The following VDR variants were observed in gnomAD, a reference collection of about 807,000 sequenced individuals.
The protein encoded by VDR is vitamin D receptor.
VDR carries 19 observed loss-of-function variants against 39.7 expected under a neutral mutation model. The ratio of observed to expected loss-of-function variants is 0.48; its 90% CI spans 0.33 to 0.70. The LOEUF is 0.70. Ranked by LOEUF, VDR falls within the 30% of genes least tolerant of loss-of-function variation. The pLI, the probability that VDR is intolerant of heterozygous loss-of-function variation, is 0.02. For synonymous variants in VDR, 242 were observed against 215.8 expected, an observed-to-expected ratio of 1.12 and a Z score of -1.07; for missense variants, 442 against 570.5, an observed-to-expected ratio of 0.77 and a Z score of 2.29.
At chr12:47,850,985 G>A (rs1272872966) in intron 7 of VDR, among the ~76,000 whole-genome samples, 1 of 152,078 alleles carries the variant, frequency 6.6e-6, no homozygotes, top group Non-Finnish European at 1.5e-5. Context: ...TGGATGCCAG[G>A]GACTGTCTTC....
intron 1 of VDR, among the ~76,000 whole-genome samples, chr12:47,889,826 C>T (rs925703373): frequency 1.3e-5 from 2 of 152,114 alleles, no homozygotes; most frequent in African/African-American, 4.8e-5. Context: ...AAAACAAAAA[C>T]AAAAAAGCAG....
rs569745169 is a variant in VDR at position 47,878,924 on chromosome 12, T to G, written c.146+44A>C. The G allele has an allele frequency of 2.2e-5, 36 of 1,613,946 alleles. No homozygotes were observed. The South Asian group carries it at 4.0e-4, about 18-fold the overall frequency. ...CCCTTCATGGAAACACCTTGCTTCTTCTCCCTCCCTTTCCACTGGGGAGAG... is the reference window on the plus strand; with the variant it reads ...CCCTTCATGGAAACACCTTGCTTCTGCTCCCTCCCTTTCCACTGGGGAGAG... On this transcript the variant is annotated intron_variant, in intron 3 of 9. Transcript: ENST00000549336.
Position 47,877,210 on chromosome 12 carries a change from G to A in VDR, c.146+1758C>T, listed in dbSNP as rs935473764. Among the ~76,000 whole-genome samples, 16 of 151,906 alleles carry A rather than the reference G, an allele frequency of 1.1e-4. No homozygotes were observed. The East Asian group carries it at 1.2e-3, about 11-fold the overall frequency. On this transcript the variant is annotated intron_variant, in intron 3 of 9. Coordinates refer to ENST00000549336, the MANE Select transcript of VDR (RefSeq NM_000376.3). ...AGACCAGCCTGGGCAACATAAGGAG[G>A]CCCCATCACTACAAAAAAATCACAC...
intron 2 of VDR, 67 bp from the exon 3 acceptor site, chr12:47,879,182 G>T: frequency 2.5e-6 from 4 of 1,569,354 alleles, no homozygotes; most frequent in Non-Finnish European, 3.5e-6. Flanking sequence ...GGCATCCTTG[G>T]TGCCACCCAC....
chr12:47,870,476 G>T (rs182697518), intron 3 of VDR, among the ~76,000 whole-genome samples: 2 of 152,190 alleles, frequency 1.3e-5, no homozygotes, highest in African/African-American at 4.8e-5. Flanking sequence ...GCTCAGGAAG[G>T]GGGGGTAGGG....
Position 47,865,132 on chromosome 12 carries a change from C to T in VDR, c.192G>A (p.Gly64=), listed in dbSNP as rs779321891. 277 of 1,613,690 alleles carry T rather than the reference C, an allele frequency of 1.7e-4. No individual in the cohort carries two copies. The highest frequency in any genetic ancestry group is 1.0e-5 in the Non-Finnish European group (12 of 1,179,754). The part of the protein sequence containing the change: ...RKALFTCPFN[G]DCRITKDNRR... ...GGTTGTCCTTGGTGATGCGGCAGTC[C>T]CCGTTGAAGGGGCAGGTGAATAGTG... The change falls in exon 4 of 10, where the codon GGG becomes GGA. Residue 64 remains glycine (G), a synonymous_variant. Transcript: ENST00000549336.
rs1230216482 is a variant in VDR at position 47,895,305 on chromosome 12, C to T, written c.-84+9650G>A. 6.6e-5 allele frequency among the ~76,000 whole-genome samples: 10 copies of T among 152,214 alleles called. No homozygotes were observed. The East Asian group carries it at 1.4e-3, about 21-fold the overall frequency. ...TCTCCTTTTTTTTGTGCCTTAAGAC[C>T]CTATCCTCTGTTAGTTTCCTTTTGA... On this transcript the variant is annotated intron_variant, in intron 1 of 9. Transcript: ENST00000549336.
intron 1 of VDR, among the ~76,000 whole-genome samples, chr12:47,892,551 A>T (rs1295003948): frequency 6.6e-6 from 1 of 152,128 alleles, no homozygotes; most frequent in Non-Finnish European, 1.5e-5. Flanking sequence ...TTGGCCTCAC[A>T]CTGTGGTGGA....
At chr12:47,871,378 TTC>T (rs1491144184) in intron 3 of VDR, among the ~76,000 whole-genome samples, 19 of 122,038 alleles carry the variant, frequency 1.6e-4, no homozygotes, top group African/African-American at 4.2e-4. Flanking sequence ...TCTCTCTCTC[TTC>T]CTTCCTTCCT....
chr12:47,846,235 A>G, intron 9 of VDR, 100 bp downstream of exon 9: 1 of 968,574 alleles, frequency 1.0e-6, no homozygotes. Context: ...TCCTTTTGCT[A>G]CGTCTCCCTT....
intron 4 of VDR, among the ~76,000 whole-genome samples, chr12:47,861,475 T>G (rs955427854): frequency 6.6e-6 from 1 of 152,248 alleles, no homozygotes; most frequent in Non-Finnish European, 1.5e-5. Context: ...CTTTCACATA[T>G]GCAAATGCAC....
chr12:47,856,440 C>G (rs1410819439), intron 6 of VDR, among the ~76,000 whole-genome samples: 1 of 152,004 alleles, frequency 6.6e-6, no homozygotes, highest in African/African-American at 2.4e-5. Flanking sequence ...GAGAAATAAT[C>G]CAGATATCCA....
intron 3 of VDR, among the ~76,000 whole-genome samples, chr12:47,876,342 T>C (rs777824230): frequency 3.3e-5 from 5 of 152,194 alleles, no homozygotes; most frequent in Admixed American, 6.5e-5. Context: ...TGAACATTAC[T>C]CTTGAACAAT....
In VDR at chr12:47,848,846, G is replaced by A. The variant is rs146653863; in HGVS notation, c.756-2038C>T. ...CCTCCCAAGGAGCTGGGATTACGGCGTGAGCCACTGCACCCGGCCACTTGT... is the reference window on the plus strand; with the variant it reads ...CCTCCCAAGGAGCTGGGATTACGGCATGAGCCACTGCACCCGGCCACTTGT... On this transcript the variant is annotated intron_variant, in intron 7 of 9. Transcript: ENST00000549336. Among the ~76,000 whole-genome samples the A allele has an allele frequency of 2.6e-5, 4 of 152,258 alleles. No homozygotes were observed. The South Asian group carries it at 6.2e-4, about 24-fold the overall frequency.
chr12:47,892,192 A>G (rs1364560607), intron 1 of VDR, among the ~76,000 whole-genome samples: 1 of 152,222 alleles, frequency 6.6e-6, no homozygotes, highest in African/African-American at 2.4e-5. Flanking sequence ...TGAGATGGGC[A>G]GGGCTGGGCT....
At chr12:47,877,772 C>T (rs140261347) in intron 3 of VDR, among the ~76,000 whole-genome samples, 13 of 152,330 alleles carry the variant, frequency 8.5e-5, no homozygotes, top group African/African-American at 1.4e-4. Flanking sequence ...TGCAGCAACA[C>T]GACTTAGAGC....
chr12:47,864,999 CCTGACTCCA>C (rs762905956), intron 4 of VDR, 39 bp downstream of exon 4: 2 of 1,609,550 alleles, frequency 1.2e-6, no homozygotes, highest in Non-Finnish European at 1.7e-6. Context: ...AAGGCCTTTC[CCTGACTCCA>C]CTTCAGGCCC....
chr12:47,858,186 T>A (rs1245161005), intron 4 of VDR, among the ~76,000 whole-genome samples: 1 of 152,180 alleles, frequency 6.6e-6, no homozygotes, highest in Non-Finnish European at 1.5e-5. Context: ...GAGCAGATGC[T>A]CACTAAATGT....
At chr12:47,887,322 C>CAAA (rs10686139) in intron 1 of VDR, among the ~76,000 whole-genome samples, 2,253 of 72,038 alleles carry the variant, frequency 0.031, 198 homozygotes, top group African/African-American at 0.12. Context: ...AACTCCGTCT[C>CAAA]AAAAAAAAAA....
Sources: allele counts gnomAD v4.1 joint callset (sites outside exome capture counted in the v4.1 genomes callset), GRCh38; gene constraint gnomAD v4.1.1; transcripts MANE v1.5; gene names NCBI Gene and HGNC (gene_info 2026-07-23, HGNC 2026-07-21).